TEP1: variants seen among roughly 807,000 people sequenced by gnomAD.
TEP1 encodes telomerase associated protein 1.
Under a neutral mutation model 306.3 loss-of-function variants are expected in TEP1, and 241 were observed. The observed-to-expected ratio is 0.79, with a 90% CI of 0.71 to 0.88. The LOEUF is 0.88. Ranked by LOEUF, TEP1 falls within the 40% of genes least tolerant of loss-of-function variation. TEP1 has a pLI of 0.00. For synonymous variants in TEP1, 1,289 were observed against 1,305.5 expected (o/e 0.99, Z 0.27); for missense variants, 3,051 against 3,276.1 (o/e 0.93, Z 1.68).
chr14:20,388,642 T>C (rs1323832092), intron 17 of TEP1, among the ~76,000 whole-genome samples: 2 of 152,262 alleles, frequency 1.3e-5, no homozygotes, highest in South Asian at 2.1e-4. Flanking sequence ...AAGTCTCCCA[T>C]GTCCCCTTTC....
chr14:20,385,897 A>G (rs1003707582), intron 20 of TEP1, among the ~76,000 whole-genome samples, 178 bp downstream of exon 20: 2 of 152,168 alleles, frequency 1.3e-5, no homozygotes, highest in African/African-American at 4.8e-5. Flanking sequence ...GCACTTCTCA[A>G]AGGACTTTTC....
Position 20,378,061 on chromosome 14 carries a change from G to C in TEP1, c.5684C>G (p.Ala1895Gly). The C allele has an allele frequency of 6.2e-7, 1 of 1,613,466 alleles. No individual in the cohort carries two copies. Among genetic ancestry groups the C allele is most frequent in the Non-Finnish European group, 8.5e-7 (1 of 1,180,012 alleles). Residue 1895 changes from alanine to glycine, a missense_variant, in exon 39 of 55, where the codon GCG (alanine) becomes GGG (glycine). This residue lies in a region of TEP1 where 1,540 missense variants were observed against 1,705.9 expected (regional missense o/e 0.90). Transcript: ENST00000262715. ...GFVAAALFLH[A>G]GCQLLTAGED... The stretch of plus-strand genomic sequence containing the variant: ...TCCAGCCGTCAGTAACTGGCAACCC[G>C]CATGCAGGAAAAGCGCAGCAGCAAC...
rs1197193054 is a variant in TEP1 at position 20,395,949 on chromosome 14, TC to T, written c.1660-1del. ...AACTGCCGACTGTGGATCACCGACT[TC>T]TAGAAAGCAAAGGAGGGAGGGGTCA... On this transcript the variant is annotated splice_acceptor_variant, in intron 10 of 54. Coordinates refer to ENST00000262715, the MANE Select transcript of TEP1 (RefSeq NM_007110.5). LOFTEE classifies it high-confidence loss of function. The T allele has an allele frequency of 1.2e-6, 2 of 1,613,724 alleles. No individual in the cohort carries two copies. The highest frequency in any genetic ancestry group is 1.7e-5 in the Admixed American group (1 of 59,954).
intron 49 of TEP1, among the ~76,000 whole-genome samples, chr14:20,372,113 C>T (rs1884874060): frequency 6.6e-6 from 1 of 152,234 alleles, no homozygotes; most frequent in African/African-American, 2.4e-5. Context: ...GTGCCCTCTA[C>T]AGCCTGACCC....
At position 20,379,680 on chromosome 14, in the gene TEP1, T is replaced by C. The variant is rs568528349; in HGVS notation, c.5127+250A>G. Among the ~76,000 whole-genome samples, 95 of 152,362 alleles carry C rather than the reference T, an allele frequency of 6.2e-4. 1 individual carries two copies. The South Asian group carries it at 0.019, about 31-fold the overall frequency. Reference sequence around the variant, plus strand: ...TTATCTCCCAACAAAACTGACCACTTGGTGGGCAATGACAATGTCCCAAAT... The same window carrying C: ...TTATCTCCCAACAAAACTGACCACTCGGTGGGCAATGACAATGTCCCAAAT... On this transcript the variant is annotated intron_variant, in intron 35 of 54. Coordinates refer to ENST00000262715, the MANE Select transcript of TEP1 (RefSeq NM_007110.5).
chr14:20,375,078 C>T (rs1885094119), intron 43 of TEP1, among the ~76,000 whole-genome samples: 2 of 129,686 alleles, frequency 1.5e-5, no homozygotes, highest in East Asian at 4.3e-4. Context: ...GCAACAAGAA[C>T]GAAACTCTGT....
At position 20,389,290 on chromosome 14, in the gene TEP1, C is replaced by T; in HGVS notation, c.2473G>A (p.Asp825Asn). The T allele has an allele frequency of 1.2e-6, 2 of 1,614,206 alleles. No individual in the cohort carries two copies. The highest frequency in any genetic ancestry group is 4.5e-5 in the East Asian group (2 of 44,890). ...LLRRVQYLST[D>N]LNPNDVTLSG... is the part of the protein sequence containing the mutation. ...AGTGTCACATCATTGGGATTCAAAT[C>T]TGTTGACCTGGCAAAGGAAGAAGCA... The change falls in exon 17 of 55, where the codon GAT (aspartate) becomes AAT (asparagine). Residue 825 changes from aspartate (D) to asparagine (N), a missense_variant. Around this residue, in one of 3 missense-constraint regions of TEP1, gnomAD observed 1,507 missense variants for 1,550.5 expected, o/e 0.97. Transcript: ENST00000262715.
chr14:20,384,233 C>T lies in TEP1; in HGVS notation c.3340-1G>A. 1.2e-6 allele frequency: 2 copies of T among 1,613,298 alleles called. No homozygotes were observed. Among genetic ancestry groups the T allele is most frequent in the Non-Finnish European group, 1.7e-6 (2 of 1,179,544 alleles). ...CTGGCTGCTCCAGCAGGGCCCCAGGCTGAGGGTAAATGGGTCAGTGACTAT... is the reference window on the plus strand; with the variant it reads ...CTGGCTGCTCCAGCAGGGCCCCAGGTTGAGGGTAAATGGGTCAGTGACTAT... On this transcript the variant is annotated splice_acceptor_variant, in intron 23 of 54. Coordinates refer to ENST00000262715, the MANE Select transcript of TEP1 (RefSeq NM_007110.5). LOFTEE classifies it high-confidence loss of function.
chr14:20,389,324 C>T (rs760081103), intron 16 of TEP1, 27 bp from the exon 17 acceptor site: 1 of 1,612,590 alleles, frequency 6.2e-7, no homozygotes, highest in Non-Finnish European at 8.5e-7. Context: ...CAGTCATTAA[C>T]CATCACAAAC....
At chr14:20,386,019 C>A (rs1877111064) in intron 20 of TEP1, 56 bp downstream of exon 20, 2 of 1,535,138 alleles carry the variant, frequency 1.3e-6, no homozygotes, top group Non-Finnish European at 1.7e-6. Flanking sequence ...CTTCTCCCAG[C>A]CTCTGCCCCA....
chr14:20,396,084 T>C, intron 10 of TEP1, 135 bp from the exon 11 acceptor site: 1 of 546,138 alleles, frequency 1.8e-6, no homozygotes, highest in Non-Finnish European at 3.3e-6. Context: ...AGAAAAGGGG[T>C]AATAAGAAGA....
chr14:20,401,475 T>G lies in TEP1; in HGVS notation c.1373A>C (p.Gln458Pro), dbSNP rs1269453851. Reference protein sequence around the residue: ...LHIHKPAQHVQALLGYRYPSN... With the variant: ...LHIHKPAQHVPALLGYRYPSN... Reference sequence around the variant, plus strand: ...TTCTCACCTGTAACCCAGCAGGGCTTGAACGTGCTGGGCAGGCTTGTGGAT... The same window carrying G: ...TTCTCACCTGTAACCCAGCAGGGCTGGAACGTGCTGGGCAGGCTTGTGGAT... The change falls in exon 8 of 55, where the codon CAA becomes CCA. Residue 458 changes from glutamine to proline, a missense_variant. This residue lies in a region of TEP1 where 1,507 missense variants were observed against 1,550.5 expected (regional missense o/e 0.97). Transcript: ENST00000262715. 6.2e-7 allele frequency: 1 copy of G among 1,614,208 alleles called. No homozygotes were observed. Among genetic ancestry groups the G allele is most frequent in the South Asian group, 1.1e-5 (1 of 91,086 alleles).
Position 20,403,770 on chromosome 14 carries a change from G to T in TEP1, c.1147C>A (p.Arg383=). ...DEYQLAKYNP[R]KHRAKRHPRR... ...GGGTGTCTCTTGGCCCGGTGCTTCC[G>T]AGGGTTGTACTTAGCCAGCTGGTAC... The change falls in exon 6 of 55, where the codon CGG becomes AGG. Residue 383 remains arginine (R), a synonymous_variant. Transcript: ENST00000262715. The T allele has an allele frequency of 6.2e-7, 1 of 1,614,134 alleles. No individual in the cohort carries two copies. Among genetic ancestry groups the T allele is most frequent in the East Asian group, 2.2e-5 (1 of 44,882 alleles).
At chr14:20,396,006 T>A (rs1878175363) in intron 10 of TEP1, 57 bp from the exon 11 acceptor site, 2 of 1,350,380 alleles carry the variant, frequency 1.5e-6, no homozygotes, top group Non-Finnish European at 2.1e-6. Context: ...ATGGGGGGCT[T>A]CAGGGGTCCA....
At position 20,383,594 on chromosome 14, in the gene TEP1, G is replaced by T; in HGVS notation, c.3761C>A (p.Ser1254Tyr). 1 of 1,613,962 alleles carries T rather than the reference G, an allele frequency of 6.2e-7. No homozygotes were observed. The change falls in exon 26 of 55, where the codon TCC becomes TAC. Residue 1254 changes from serine to tyrosine, a missense_variant. Ser to Tyr is a moderately radical substitution (Grantham distance 144). Coordinates refer to ENST00000262715, the MANE Select transcript of TEP1 (RefSeq NM_007110.5). ...QQRLLPKSAESLHPGQTQVLI... is the reference protein window; with the variant it reads ...QQRLLPKSAEYLHPGQTQVLI... ...GACCTGGGTCTGGCCAGGATGCAGGGACTCAGCAGACTTGGGCAGCAGCCT... is the reference window on the plus strand; with the variant it reads ...GACCTGGGTCTGGCCAGGATGCAGGTACTCAGCAGACTTGGGCAGCAGCCT...
intron 12 of TEP1, among the ~76,000 whole-genome samples, chr14:20,394,474 C>CTTTTTTTTTTT (rs747749338): frequency 1.0e-5 from 1 of 100,452 alleles, no homozygotes; most frequent in African/African-American, 4.0e-5. Flanking sequence ...GCCCCTTGGG[C>CTTTTTTTTTTT]TTTTTTTTTT....
rs1422877824 is a variant in TEP1, at chr14:20,384,069, C to A, written c.3503G>T (p.Gly1168Val). ...LPHGRLSLVT[G>V]QSGQGKTAFL... is the part of the protein sequence containing the mutation. The stretch of plus-strand genomic sequence containing the variant: ...GGCTGTCTTGCCCTGTCCTGACTGC[C>A]CCGTCACCAGGCTCAGCCTTCCGTG... The change falls in exon 24 of 55, where the codon GGG (glycine) becomes GTG (valine). Residue 1168 changes from glycine to valine, a missense_variant. Gly to Val is a moderately radical substitution (Grantham distance 109). Around this residue, in one of 3 missense-constraint regions of TEP1, gnomAD observed 1,507 missense variants for 1,550.5 expected, o/e 0.97. Transcript: ENST00000262715. The A allele has an allele frequency of 6.2e-7, 1 of 1,612,692 alleles. No individual in the cohort carries two copies. Among genetic ancestry groups the A allele is most frequent in the Non-Finnish European group, 8.5e-7 (1 of 1,179,412 alleles).
At chr14:20,405,333 C>T in intron 4 of TEP1, 118 bp downstream of exon 4, 1 of 1,390,862 alleles carries the variant, frequency 7.2e-7, no homozygotes, top group Non-Finnish European at 9.9e-7. Flanking sequence ...AGAAATCCTT[C>T]CTAAGAGAAG....
chr14:20,403,964 A>T (rs1022398413), intron 5 of TEP1, 80 bp from the exon 6 acceptor site: 2 of 1,581,582 alleles, frequency 1.3e-6, no homozygotes, highest in African/African-American at 2.7e-5. Flanking sequence ...CTTCATGGAG[A>T]TACACGAGAG....
Sources: gnomAD v4.1 joint callset for allele counts (sites outside exome capture counted in the v4.1 genomes callset) on GRCh38, gnomAD v4.1.1 for gene constraint, gnomAD v4.1.1 regional missense constraint, MANE v1.5 for transcripts, NCBI Gene and HGNC (gene_info 2026-07-23, HGNC 2026-07-21) for gene names.